The following CDH13 variants were observed in gnomAD, a reference collection of about 807,000 sequenced individuals.
CDH13 encodes cadherin 13.
In CDH13, 24 loss-of-function variants were observed where a neutral mutation model predicts 63.8. The ratio of observed to expected loss-of-function variants is 0.38; its 90% CI spans 0.27 to 0.53. The LOEUF is 0.53. Ranked by LOEUF, CDH13 falls within the 20% of genes least tolerant of loss-of-function variation. The pLI, the probability that CDH13 is intolerant of heterozygous loss-of-function variation, is 0.85. For missense variants in CDH13, 1,049 were observed against 903.1 expected, an observed-to-expected ratio of 1.16 and a Z score of -2.07; for synonymous variants, 503 against 355.3, an observed-to-expected ratio of 1.42 and a Z score of -4.67.
chr16:83,274,601 C>T (rs1023205954), intron 5 of CDH13, among the ~76,000 whole-genome samples: 14 of 152,174 alleles, frequency 9.2e-5, no homozygotes, highest in Admixed American at 3.3e-4. Context: ...GAAACCCCCA[C>T]ATGCAGCACA....
At chr16:82,947,013 T>TGTGTGTGTGTGTGTGG (rs1904803671) in intron 2 of CDH13, among the ~76,000 whole-genome samples, 1 of 147,544 alleles carries the variant, frequency 6.8e-6, no homozygotes, top group East Asian at 2.0e-4. Flanking sequence ...CCTGTGTGTG[T>TGTGTGTGTGTGTGTGG]GTGTGTGTGT....
intron 2 of CDH13, among the ~76,000 whole-genome samples, chr16:82,962,115 G>C (rs750824019): frequency 6.6e-6 from 1 of 152,240 alleles, no homozygotes; most frequent in Non-Finnish European, 1.5e-5. Context: ...AAGAGTCTTT[G>C]CAGAGGTAAT....
chr16:83,747,138 G>A (rs1322021627), intron 10 of CDH13, among the ~76,000 whole-genome samples: 1 of 152,200 alleles, frequency 6.6e-6, no homozygotes, highest in South Asian at 2.1e-4. Flanking sequence ...CAAGCAGCTG[G>A]TGTCACAGCA....
At chr16:83,773,324 C>T (rs576113698) in intron 11 of CDH13, among the ~76,000 whole-genome samples, 3 of 152,160 alleles carry the variant, frequency 2.0e-5, no homozygotes, top group African/African-American at 4.8e-5. Flanking sequence ...TGTATAGCTA[C>T]TACTCGATAC....
At chr16:83,421,889 C>A (rs963136574) in intron 6 of CDH13, among the ~76,000 whole-genome samples, 3 of 152,166 alleles carry the variant, frequency 2.0e-5, no homozygotes, top group African/African-American at 4.8e-5. Flanking sequence ...ACCCAAAGCA[C>A]CTTCTCATGA....
intron 7 of CDH13, among the ~76,000 whole-genome samples, chr16:83,544,109 C>G (rs1043621377): frequency 6.6e-6 from 1 of 152,160 alleles, no homozygotes; most frequent in African/African-American, 2.4e-5. Flanking sequence ...TTCGAGCACA[C>G]CCTCTCACTG....
At chr16:83,491,577 T>C (rs1038371644) in intron 7 of CDH13, among the ~76,000 whole-genome samples, 1 of 152,058 alleles carries the variant, frequency 6.6e-6, no homozygotes, top group African/African-American at 2.4e-5. Context: ...GGTTTTTTTT[T>C]TTTTTCTTTT....
intron 6 of CDH13, among the ~76,000 whole-genome samples, chr16:83,360,471 C>CTT (rs200858405): frequency 6.9e-6 from 1 of 144,518 alleles, no homozygotes; most frequent in African/African-American, 2.5e-5. Context: ...TAATCTCAAC[C>CTT]TTTTTTTTTT....
chr16:83,245,049 C>A (rs180912113), intron 5 of CDH13, among the ~76,000 whole-genome samples: 2 of 151,942 alleles, frequency 1.3e-5, no homozygotes, highest in Admixed American at 1.3e-4. Context: ...AAGAGCCAAC[C>A]TTGCAGGCTG....
rs140333836 is a variant in CDH13, at chr16:83,025,957, C to T, written c.158-6053C>T. Among the ~76,000 whole-genome samples the T allele has an allele frequency of 9.2e-5, 14 of 152,204 alleles. No individual in the cohort carries two copies. In the East Asian group the frequency reaches 2.7e-3, roughly 29 times the overall value. On this transcript the variant is annotated intron_variant, in intron 2 of 13. Coordinates refer to ENST00000567109, the MANE Select transcript of CDH13 (RefSeq NM_001257.5). ...TCATAATCTTGGGAGAGAGTGGGGG[C>T]AGGTATTGCTATTCTTTTTAATGCT...
intron 1 of CDH13, among the ~76,000 whole-genome samples, chr16:82,654,692 A>C (rs1412896811): frequency 1.3e-5 from 2 of 152,114 alleles, no homozygotes; most frequent in Admixed American, 1.3e-4. Flanking sequence ...GGGCAAAGAT[A>C]CAAATGCTGT....
At chr16:82,932,084 G>C (rs1053075926) in intron 2 of CDH13, among the ~76,000 whole-genome samples, 1 of 152,232 alleles carries the variant, frequency 6.6e-6, no homozygotes, top group African/African-American at 2.4e-5. Context: ...TCTTTGCTTA[G>C]GACAGTTGTG....
chr16:82,811,205 C>T (rs1019254919), intron 1 of CDH13, among the ~76,000 whole-genome samples: 2 of 152,126 alleles, frequency 1.3e-5, no homozygotes, highest in Admixed American at 6.6e-5. Flanking sequence ...CAAATTCTTA[C>T]TCAGTGATGC....
In CDH13 at chr16:83,138,307, T is replaced by G. The variant is rs75183717; in HGVS notation, c.483+12806T>G. 2.7e-3 allele frequency among the ~76,000 whole-genome samples: 404 copies of G among 151,666 alleles called. 2 individuals carry two copies. The highest frequency in any genetic ancestry group is 9.3e-3 in the African/African-American group (385 of 41,336). On this transcript the variant is annotated intron_variant, in intron 4 of 13. Transcript: ENST00000567109. ...TGCTTATGGATTCCCCCGAGAAGAA[T>G]GCCCGTCCTAGGAGAGGGGGCAGAC... is the stretch of plus-strand genomic sequence containing the variant.
chr16:82,768,692 G>T, intron 1 of CDH13, among the ~76,000 whole-genome samples: 1 of 152,188 alleles, frequency 6.6e-6, no homozygotes, highest in East Asian at 1.9e-4. Flanking sequence ...GCTTAGGTCT[G>T]TTTACAGCTC....
At chr16:83,549,924 T>C (rs1305619301) in intron 7 of CDH13, among the ~76,000 whole-genome samples, 1 of 152,174 alleles carries the variant, frequency 6.6e-6, no homozygotes, top group Non-Finnish European at 1.5e-5. Context: ...TTTAACTGTA[T>C]GCATGCCAGT....
At chr16:83,731,682 A>C (rs1480916019) in intron 10 of CDH13, among the ~76,000 whole-genome samples, 4 of 152,228 alleles carry the variant, frequency 2.6e-5, no homozygotes, top group Non-Finnish European at 5.9e-5. Flanking sequence ...GGACTTTGTC[A>C]TAAATTCTTT....
At chr16:82,882,508 C>T (rs775659001) in intron 2 of CDH13, among the ~76,000 whole-genome samples, 20 of 152,172 alleles carry the variant, frequency 1.3e-4, no homozygotes, top group Non-Finnish European at 2.9e-5. Flanking sequence ...CCATGGTCAC[C>T]GCTGCAGGGT....
intron 2 of CDH13, among the ~76,000 whole-genome samples, chr16:82,927,866 A>T (rs563424822): frequency 1.7e-4 from 26 of 152,362 alleles, no homozygotes; most frequent in African/African-American, 6.3e-4. Flanking sequence ...GAATATTGAG[A>T]GAATTGGTTG....
Sources: allele counts gnomAD v4.1 joint callset (sites outside exome capture counted in the v4.1 genomes callset), GRCh38; gene constraint gnomAD v4.1.1; transcripts MANE v1.5; gene names NCBI Gene and HGNC (gene_info 2026-07-23, HGNC 2026-07-21).